Variants in PRSS3 observed in about 807,000 individuals in gnomAD.
PRSS3 encodes the protein trypsin-3.
PRSS3 carries 14 observed loss-of-function variants against 20.8 expected under a neutral mutation model. The observed-to-expected ratio is 0.67, with a 90% CI of 0.44 to 1.05. PRSS3 has a LOEUF of 1.05. Among genes scored for constraint, PRSS3 ranks in the 50% least tolerant of loss-of-function variants. The pLI is 0.00. For missense variants in PRSS3, 237 were observed against 306.4 expected (o/e 0.77, Z 1.69); for synonymous variants, 91 against 117.6 (o/e 0.77, Z 1.46).
At chr9:33,770,118 C>T (rs1823617905) in intron 1 of PRSS3, among the ~76,000 whole-genome samples, 1 of 148,392 alleles carries the variant, frequency 6.7e-6, no homozygotes, top group Non-Finnish European at 1.5e-5. Flanking sequence ...GCACTCCAGC[C>T]TGGGCGACAA....
At chr9:33,789,967 T>A (rs1277534372) in intron 1 of PRSS3, among the ~76,000 whole-genome samples, 4 of 152,192 alleles carry the variant, frequency 2.6e-5, no homozygotes, top group Admixed American at 6.5e-5. Context: ...AGGGTTTTTT[T>A]ATAAGAAAGT....
chr9:33,797,252 G>A (rs1404194048), intron 2 of PRSS3, among the ~76,000 whole-genome samples: 1 of 152,228 alleles, frequency 6.6e-6, no homozygotes, highest in Admixed American at 6.5e-5. Flanking sequence ...TCTCAAACCT[G>A]AGTATGCGTC....
At chr9:33,770,885 T>C (rs1296406715) in intron 1 of PRSS3, among the ~76,000 whole-genome samples, 1 of 152,208 alleles carries the variant, frequency 6.6e-6, no homozygotes, top group African/African-American at 2.4e-5. Context: ...TCAGTGCTGA[T>C]TCATGCTTAC....
chr9:33,777,114 G>A (rs1230995455), intron 1 of PRSS3, among the ~76,000 whole-genome samples: 2 of 152,082 alleles, frequency 1.3e-5, no homozygotes, highest in South Asian at 2.1e-4. Context: ...TTAAAAAAGC[G>A]AATACCAGAA....
intron 1 of PRSS3, among the ~76,000 whole-genome samples, chr9:33,766,143 T>G (rs886203336): frequency 4.0e-5 from 6 of 151,434 alleles, no homozygotes; most frequent in African/African-American, 1.5e-4. Context: ...CGAGCGTTTG[T>G]AATCCCAACT....
intron 1 of PRSS3, among the ~76,000 whole-genome samples, chr9:33,755,953 T>C (rs1822924447): frequency 6.6e-6 from 1 of 152,214 alleles, no homozygotes; most frequent in Admixed American, 6.5e-5. Flanking sequence ...CATACATACA[T>C]ACGCACTTTT....
intron 1 of PRSS3, among the ~76,000 whole-genome samples, chr9:33,766,454 TC>T (rs554968636): frequency 0.012 from 1,826 of 151,794 alleles, 12 homozygotes; most frequent in Non-Finnish European, 0.018. Context: ...GCGCCTGTAG[TC>T]CCAGCTACTC....
intron 1 of PRSS3, among the ~76,000 whole-genome samples, chr9:33,780,184 A>C (rs1479269790): frequency 1.3e-5 from 2 of 152,174 alleles, no homozygotes; most frequent in African/African-American, 4.8e-5. Context: ...GTCAAGTCAC[A>C]TACAGAGGAA....
chr9:33,775,705 T>G (rs1305963359), intron 1 of PRSS3, among the ~76,000 whole-genome samples: 2 of 150,506 alleles, frequency 1.3e-5, no homozygotes, highest in East Asian at 1.9e-4. Context: ...TTGAAGTTTT[T>G]TTTTTTTTTT....
At chr9:33,790,163 C>A (rs1392840620) in intron 1 of PRSS3, among the ~76,000 whole-genome samples, 1 of 152,032 alleles carries the variant, frequency 6.6e-6, no homozygotes, top group Non-Finnish European at 1.5e-5. Flanking sequence ...ATTTTAATTA[C>A]ATAAAAAATT....
rs1255786311 is a variant in PRSS3 at position 33,754,158 on chromosome 9, G to A, written c.-53+3431G>A. Among the ~76,000 whole-genome samples, 5 of 151,574 alleles carry A rather than the reference G, an allele frequency of 3.3e-5. No homozygotes were observed. The East Asian group carries it at 5.8e-4, about 18-fold the overall frequency. Reference sequence around the variant, plus strand: ...ACAATCTCAGCTCACTGCAACCTCCGCTTCCCAGGGTTCAAGTGATTCTCT... The same window carrying A: ...ACAATCTCAGCTCACTGCAACCTCCACTTCCCAGGGTTCAAGTGATTCTCT... On this transcript the variant is annotated intron_variant, in intron 1 of 5. Coordinates refer to the PRSS3 transcript ENST00000342836.
intron 1 of PRSS3, among the ~76,000 whole-genome samples, chr9:33,789,157 T>C (rs539118903): frequency 3.5e-4 from 54 of 152,358 alleles, no homozygotes; most frequent in Non-Finnish European, 6.9e-4. Context: ...TGGTTTTTAG[T>C]AGTCTGCTGG....
Position 33,750,959 on chromosome 9 carries a change from C to A in PRSS3, c.-53+232C>A. The A allele has an allele frequency of 9.3e-7, 1 of 1,077,416 alleles. No individual in the cohort carries two copies. The highest frequency in any genetic ancestry group is 1.2e-6 in the Non-Finnish European group (1 of 828,960). The allele number at this position is 1,077,416 out of a possible 1,614,324, so 66.7% of individuals were successfully genotyped here. On this transcript the variant is annotated intron_variant, in intron 1 of 5. Transcript: ENST00000342836. The surrounding 1 kb of genome is among the most constrained non-coding windows in gnomAD (Gnocchi z 4.8). ...ATGGAGGGCCCTGGTGTCGCAGAAG[C>A]CCACCTGGGGCCCCCTCCGGGCTGC...
At chr9:33,762,870 C>T (rs556331977) in intron 1 of PRSS3, among the ~76,000 whole-genome samples, 1 of 152,260 alleles carries the variant, frequency 6.6e-6, no homozygotes, top group South Asian at 2.1e-4. Flanking sequence ...GAATAGTGTA[C>T]GAGCACCAGA....
intron 1 of PRSS3, among the ~76,000 whole-genome samples, chr9:33,751,545 G>T (rs1822699513): frequency 6.6e-6 from 1 of 152,194 alleles, no homozygotes; most frequent in Non-Finnish European, 1.5e-5. Context: ...TTTGAGGGCA[G>T]GTAGCTCTCC....
At chr9:33,771,336 G>C (rs1180465260) in intron 1 of PRSS3, among the ~76,000 whole-genome samples, 2 of 149,396 alleles carry the variant, frequency 1.3e-5, no homozygotes, top group Non-Finnish European at 3.0e-5. Context: ...TTTATGTTTT[G>C]AGATGGAGTC....
intron 1 of PRSS3, chr9:33,786,090 A>G (rs1672240178): frequency 3.4e-6 from 1 of 290,786 alleles, no homozygotes; most frequent in East Asian, 7.8e-5. Flanking sequence ...GTTTTTGCAT[A>G]TCCTGCAGAA....
At chr9:33,782,024 C>A (rs1485297362) in intron 1 of PRSS3, among the ~76,000 whole-genome samples, 6 of 152,324 alleles carry the variant, frequency 3.9e-5, no homozygotes, top group South Asian at 2.1e-4. Flanking sequence ...AGCTCAGGAT[C>A]CTCCATTCTT....
intron 1 of PRSS3, among the ~76,000 whole-genome samples, chr9:33,766,659 G>A (rs1823445747): frequency 6.6e-6 from 1 of 152,118 alleles, no homozygotes; most frequent in Non-Finnish European, 1.5e-5. Context: ...ACATTATGCT[G>A]AGGGAAAGAG....
Sources: gnomAD v4.1 joint callset for allele counts (sites outside exome capture counted in the v4.1 genomes callset) on GRCh38, gnomAD v4.1.1 for gene constraint, Gnocchi (gnomAD v3.1) non-coding constraint, MANE v1.5 for transcripts, NCBI Gene and HGNC (gene_info 2026-07-23, HGNC 2026-07-21) for gene names.